The following FBXO33 variants were observed in gnomAD, a reference collection of about 807,000 sequenced individuals.
FBXO33 encodes the protein F-box only protein 33.
Under a neutral mutation model 46.3 loss-of-function variants are expected in FBXO33, and 22 were observed. The observed-to-expected ratio is 0.48, with a 90% CI of 0.34 to 0.68. FBXO33 has a LOEUF of 0.68. Among genes scored for constraint, FBXO33 ranks in the 30% least tolerant of loss-of-function variants. FBXO33 has a pLI of 0.01. For missense variants in FBXO33, 692 were observed against 708.8 expected (o/e 0.98, Z 0.27); for synonymous variants, 337 against 291.3 (o/e 1.16, Z -1.60).
rs1472603062 is a variant in FBXO33 at position 39,399,563 on chromosome 14, T to G, written c.1621A>C (p.Asn541His). ...IESLSVFTEP[N>H]RHFYREMQSF... Reference sequence around the variant, plus strand: ...TGCATCTCTCTGTAAAAATGACGATTTGGTTCAGTGAAGACACTGAGTGAT... The same window carrying G: ...TGCATCTCTCTGTAAAAATGACGATGTGGTTCAGTGAAGACACTGAGTGAT... The change falls in exon 4 of 4, where the codon AAT becomes CAT. Residue 541 changes from asparagine (N) to histidine (H), a missense_variant. By Grantham distance (68) the Asn-to-His change is moderately conservative. Transcript: ENST00000298097. The G allele has an allele frequency of 1.2e-6, 2 of 1,612,948 alleles. No homozygotes were observed. The highest frequency in any genetic ancestry group is 1.1e-5 in the South Asian group (1 of 90,836).
At chr14:39,404,868 G>C (rs2075386254) in intron 1 of FBXO33, among the ~76,000 whole-genome samples, 2 of 152,062 alleles carry the variant, frequency 1.3e-5, no homozygotes, top group African/African-American at 4.8e-5. Flanking sequence ...AAAAGAATAG[G>C]CTGGGCGCGG....
intron 1 of FBXO33, among the ~76,000 whole-genome samples, chr14:39,406,492 G>T (rs2075399127): frequency 6.6e-6 from 1 of 152,172 alleles, no homozygotes; most frequent in Non-Finnish European, 1.5e-5. Context: ...ATATAGGACT[G>T]TGATCCTGAA....
intron 1 of FBXO33, among the ~76,000 whole-genome samples, chr14:39,420,579 C>T (rs933797709): frequency 5.1e-4 from 77 of 151,988 alleles, no homozygotes; most frequent in African/African-American, 1.9e-3. Flanking sequence ...TAGTCCCAGC[C>T]ACTTGGGAGG....
rs769484889 is a variant in FBXO33 at position 39,401,776 on chromosome 14, G to C, written c.796C>G (p.Pro266Ala). The C allele has an allele frequency of 5.0e-6, 8 of 1,614,022 alleles. No individual in the cohort carries two copies. The East Asian group carries it at 1.8e-4, about 36-fold the overall frequency. The change falls in exon 3 of 4, where the codon CCA becomes GCA. Residue 266 changes from proline (P) to alanine (A), a missense_variant. Around this residue, in one of 3 missense-constraint regions of FBXO33, gnomAD observed 412 missense variants for 370.8 expected, o/e 1.11. Coordinates refer to ENST00000298097, the MANE Select transcript of FBXO33 (RefSeq NM_203301.4). ...SCGFMLEIVT[P>A]TSLSSLSNAV... ...TTAGAGAGAGATGACAGTGATGTTGGGGTTACTATTTCCAGCATAAACCCA... is the reference window on the plus strand; with the variant it reads ...TTAGAGAGAGATGACAGTGATGTTGCGGTTACTATTTCCAGCATAAACCCA...
At chr14:39,430,583 C>A (rs1005684061) in intron 1 of FBXO33, among the ~76,000 whole-genome samples, 3 of 152,124 alleles carry the variant, frequency 2.0e-5, no homozygotes, top group East Asian at 3.9e-4. Context: ...CATTACCCTG[C>A]CTCATAGTGC....
At chr14:39,400,596 A>G (rs2075364113) in intron 3 of FBXO33, among the ~76,000 whole-genome samples, 1 of 152,234 alleles carries the variant, frequency 6.6e-6, no homozygotes, top group Non-Finnish European at 1.5e-5. Flanking sequence ...AGGATAGCTA[A>G]TAAGAGAGTT....
In FBXO33 at chr14:39,401,392, G is replaced by A. The variant is rs1464718167; in HGVS notation, c.1180C>T (p.Leu394=). Reference sequence around the variant, plus strand: ...TAGCTATCAAAATGAATCCTCTCTAGTGGTATACTGGGTTTCAGAATCTTT... The same window carrying A: ...TAGCTATCAAAATGAATCCTCTCTAATGGTATACTGGGTTTCAGAATCTTT... ...MLKILKPSIP[L]ERIHFDSYIT... Residue 394 remains leucine (L), a synonymous_variant, in exon 3 of 4, where the codon CTA becomes TTA. Transcript: ENST00000298097. 1.2e-6 allele frequency: 2 copies of A among 1,614,160 alleles called. No homozygotes were observed. The highest frequency in any genetic ancestry group is 1.7e-5 in the Admixed American group (1 of 60,024).
rs1488753685 is a variant in FBXO33 at position 39,401,450 on chromosome 14, T to C, written c.1122A>G (p.Ile374Met). 6.2e-7 allele frequency: 1 copy of C among 1,614,146 alleles called. No individual in the cohort carries two copies. The highest frequency in any genetic ancestry group is 8.5e-7 in the Non-Finnish European group (1 of 1,180,018). ...SRKSTSFRVY[I>M]MAFDIKSEDM... ...CTTCACTCTTGATATCAAAAGCCAT[T>C]ATATAGACCCGAAAGCTGGTGCTCT... The change falls in exon 3 of 4, where the codon ATA becomes ATG. Residue 374 changes from isoleucine (I) to methionine (M), a missense_variant. Ile to Met is a conservative substitution (Grantham distance 10, BLOSUM62 1). Transcript: ENST00000298097.
intron 1 of FBXO33, among the ~76,000 whole-genome samples, chr14:39,413,835 A>G (rs2075435037): frequency 1.3e-5 from 2 of 152,222 alleles, no homozygotes; most frequent in Admixed American, 1.3e-4. Context: ...TAAAATATTC[A>G]GTAAATCATG....
chr14:39,420,550 G>A (rs1003056817), intron 1 of FBXO33, among the ~76,000 whole-genome samples: 18 of 152,098 alleles, frequency 1.2e-4, no homozygotes, highest in South Asian at 2.1e-4. Flanking sequence ...AGCCAGGCGT[G>A]GTGGTGGGCA....
intron 1 of FBXO33, among the ~76,000 whole-genome samples, chr14:39,411,065 T>G (rs547648458): frequency 2.6e-5 from 4 of 152,124 alleles, no homozygotes; most frequent in African/African-American, 9.7e-5. Flanking sequence ...TCTAATTCAT[T>G]AGGGTTTAAA....
chr14:39,407,842 T>C (rs2075406007), intron 1 of FBXO33, among the ~76,000 whole-genome samples: 1 of 152,240 alleles, frequency 6.6e-6, no homozygotes, highest in Admixed American at 6.5e-5. Flanking sequence ...CATACGGCAG[T>C]GCTATTTTTG....
Position 39,399,788 on chromosome 14 carries a change from C to T in FBXO33, c.1397-1G>A. On this transcript the variant is annotated splice_acceptor_variant, in intron 3 of 3. Coordinates refer to ENST00000298097, the MANE Select transcript of FBXO33 (RefSeq NM_203301.4). LOFTEE classifies it high-confidence loss of function. ...AGGTTGTGTGCCCACACCGTGTAAC[C>T]TGAAAAATAAACAAAAGACAACACT... 1 of 1,551,008 alleles carries T rather than the reference C, an allele frequency of 6.4e-7. No homozygotes were observed.
rs1228294390 is a variant in FBXO33 at position 39,398,061 on chromosome 14, A to AAACT, written c.*1451_*1454dup. 1.3e-5 allele frequency: 2 copies of AAACT among 152,680 alleles called. No homozygotes were observed. The highest frequency in any genetic ancestry group is 4.8e-5 in the African/African-American group (2 of 41,462). 9.5% of individuals were successfully genotyped at this position (152,680 alleles called of 1,614,324 possible). A position where few individuals can be genotyped will look rare whatever the true frequency, so the allele number is the denominator to read the frequency against. On this transcript the variant is annotated 3_prime_UTR_variant, in exon 4 of 4. Transcript: ENST00000298097. ...GTAAAACCATTTGTAAAACACATAT[A>AAACT]AACTTTTTTCCATAAATAGAATCAT... is the stretch of plus-strand genomic sequence containing the variant.
intron 1 of FBXO33, among the ~76,000 whole-genome samples, chr14:39,413,770 G>A (rs950304162): frequency 5.9e-5 from 9 of 152,198 alleles, no homozygotes; most frequent in African/African-American, 2.2e-4. Context: ...CATTGTCGAT[G>A]AGATGTAATT....
At position 39,403,228 on chromosome 14, in the gene FBXO33, C is replaced by T. The variant is rs371549994; in HGVS notation, c.600-717G>A. ...ATATCTACTCAGTTAAGAAATATTC[C>T]TTAACTGAAATCTAAAGAGAACCTT... On this transcript the variant is annotated intron_variant, in intron 1 of 3. Transcript: ENST00000298097. Among the ~76,000 whole-genome samples the T allele has an allele frequency of 6.0e-4, 91 of 152,268 alleles. 1 individual carries two copies. Among genetic ancestry groups the T allele is most frequent in the African/African-American group, 2.1e-3 (87 of 41,546 alleles).
At chr14:39,431,423 A>C in intron 1 of FBXO33, 141 bp downstream of exon 1, 1 of 1,434,542 alleles carries the variant, frequency 7.0e-7, no homozygotes, top group Non-Finnish European at 9.4e-7. Flanking sequence ...GAAACCGCCT[A>C]GTTAGAACCA....
intron 1 of FBXO33, among the ~76,000 whole-genome samples, chr14:39,410,291 A>C (rs2139407692): frequency 6.6e-6 from 1 of 152,328 alleles, no homozygotes; most frequent in South Asian, 2.1e-4. Flanking sequence ...ATCTATTGAC[A>C]TGGTCAAGAT....
chr14:39,413,767 G>A (rs10143351), intron 1 of FBXO33, among the ~76,000 whole-genome samples: 71,414 of 152,050 alleles, frequency 0.47, 18,497 homozygotes, highest in Non-Finnish European at 0.59. Context: ...GTACATTGTC[G>A]ATGAGATGTA....
Sources: allele counts gnomAD v4.1 joint callset (sites outside exome capture counted in the v4.1 genomes callset), GRCh38; gene constraint gnomAD v4.1.1; regional missense constraint gnomAD v4.1.1; transcripts MANE v1.5; gene names NCBI Gene and HGNC (gene_info 2026-07-23, HGNC 2026-07-21).